The following WDR33 variants were observed in gnomAD, a reference collection of about 807,000 sequenced individuals.
WDR33 encodes pre-mRNA 3' end processing protein WDR33.
Under a neutral mutation model 164.9 loss-of-function variants are expected in WDR33, and 47 were observed. The ratio of observed to expected loss-of-function variants is 0.29; its 90% CI spans 0.23 to 0.36. The LOEUF (loss-of-function observed/expected upper bound fraction) is 0.36. WDR33 is among the 10% of genes least tolerant of loss of function. The pLI, the probability that WDR33 is intolerant of heterozygous loss-of-function variation, is 1.00. For missense variants in WDR33, 1,137 were observed against 1,754.1 expected (o/e 0.65, Z 6.28); for synonymous variants, 505 against 589.0 (o/e 0.86, Z 2.06).
In WDR33 at chr2:127,701,946, G is replaced by A; in HGVS notation, c.*4377C>T. The A allele has an allele frequency of 7.1e-7, 1 of 1,414,450 alleles. No homozygotes were observed. Among genetic ancestry groups the A allele is most frequent in the Non-Finnish European group, 9.2e-7 (1 of 1,091,140 alleles). 87.6% of individuals were successfully genotyped at this position (1,414,450 alleles called of 1,614,324 possible). A position where few individuals can be genotyped will look rare whatever the true frequency, so the allele number is the denominator to read the frequency against. The stretch of plus-strand genomic sequence containing the variant: ...GTGCGGACGCCTGCTGCGCTGCGAA[G>A]AAGCGCCGTCCCGGCCCGCGCTGCT... On this transcript the variant is annotated 3_prime_UTR_variant, in exon 22 of 22. Coordinates refer to ENST00000322313, the MANE Select transcript of WDR33 (RefSeq NM_018383.5).
chr2:127,723,919 A>G lies in WDR33; in HGVS notation c.1196+414T>C, dbSNP rs1558924977. On this transcript the variant is annotated intron_variant, in intron 11 of 21. Transcript: ENST00000322313. The surrounding 1 kb of genome is among the most constrained non-coding windows in gnomAD (Gnocchi z 5.9). Reference sequence around the variant, plus strand: ...TGGTGAAACCCCATCTCTACAAAAAATGCAAAAATTAGCCAGGTGTGGTGG... The same window carrying G: ...TGGTGAAACCCCATCTCTACAAAAAGTGCAAAAATTAGCCAGGTGTGGTGG... Among the ~76,000 whole-genome samples the G allele has an allele frequency of 6.6e-6, 1 of 152,122 alleles. No individual in the cohort carries two copies. The highest frequency in any genetic ancestry group is 1.5e-5 in the Non-Finnish European group (1 of 68,016).
intron 1 of WDR33, among the ~76,000 whole-genome samples, chr2:127,785,307 C>T (rs1206494109): frequency 6.6e-6 from 1 of 152,170 alleles, no homozygotes; most frequent in Non-Finnish European, 1.5e-5. Flanking sequence ...AATGAACCAA[C>T]ACTGATGCAT....
chr2:127,778,421 A>C (rs1434985069), intron 1 of WDR33, among the ~76,000 whole-genome samples: 1 of 150,478 alleles, frequency 6.6e-6, no homozygotes, highest in Non-Finnish European at 1.5e-5. Context: ...TGGGCAACAG[A>C]GCAAGACTCC....
In WDR33 at chr2:127,701,392, C is replaced by T; in HGVS notation, c.*4931G>A. 1 of 862,114 alleles carries T rather than the reference C, an allele frequency of 1.2e-6. No homozygotes were observed. Among genetic ancestry groups the T allele is most frequent in the Non-Finnish European group, 1.5e-6 (1 of 654,002 alleles). 53.4% of individuals were successfully genotyped at this position (862,114 alleles called of 1,614,324 possible). On this transcript the variant is annotated 3_prime_UTR_variant, in exon 22 of 22. Coordinates refer to ENST00000322313, the MANE Select transcript of WDR33 (RefSeq NM_018383.5). The stretch of plus-strand genomic sequence containing the variant: ...ACCACAAAAGTCCGCAGAGCAGGCA[C>T]CGCGGCACTTCCGCGAGCGCCGCAG...
chr2:127,790,759 T>C (rs1346898192), intron 1 of WDR33, among the ~76,000 whole-genome samples: 1 of 151,918 alleles, frequency 6.6e-6, no homozygotes. Context: ...AATAAACACA[T>C]GACCCACACC....
rs1276030870 is a variant in WDR33 at position 127,709,641 on chromosome 2, T to G, written c.3472+52A>C. On this transcript the variant is annotated intron_variant, in intron 19 of 21. Coordinates refer to ENST00000322313, the MANE Select transcript of WDR33 (RefSeq NM_018383.5). This position sits in a 1 kb window ranked among gnomAD's most constrained non-coding sequence, Gnocchi z 5.0. ...CTGTTCCTGGTGTATTCACAACCAG[T>G]GTATTCTGCACCCTATCCTTCCAGA... 1.2e-6 allele frequency: 2 copies of G among 1,613,468 alleles called. No individual in the cohort carries two copies. The highest frequency in any genetic ancestry group is 1.7e-6 in the Non-Finnish European group (2 of 1,179,536).
rs1308122919 is a variant in WDR33, at chr2:127,764,719, G to A, written c.626+109C>T. 2.5e-6 allele frequency: 4 copies of A among 1,613,800 alleles called. No individual in the cohort carries two copies. The highest frequency in any genetic ancestry group is 3.4e-6 in the Non-Finnish European group (4 of 1,179,896). On this transcript the variant is annotated intron_variant, in intron 6 of 21. Transcript: ENST00000322313. The surrounding 1 kb of genome is among the most constrained non-coding windows in gnomAD (Gnocchi z 6.2). Reference sequence around the variant, plus strand: ...ATATTGTGTTTATAGGGTGCAGAAAGTTTCCCAGAAACTGACAGAGCCCAT... The same window carrying A: ...ATATTGTGTTTATAGGGTGCAGAAAATTTCCCAGAAACTGACAGAGCCCAT...
At chr2:127,737,990 TCCA>T (rs758185617) in intron 7 of WDR33, 6 of 1,611,288 alleles carry the variant, frequency 3.7e-6, no homozygotes, top group Non-Finnish European at 5.1e-6. Flanking sequence ...CTAAACTTTG[TCCA>T]CCTACTGTTA....
At position 127,760,462 on chromosome 2, in the gene WDR33, T is replaced by G. The variant is rs941658336; in HGVS notation, c.724+2600A>C. 2.6e-5 allele frequency among the ~76,000 whole-genome samples: 4 copies of G among 152,338 alleles called. No individual in the cohort carries two copies. The South Asian group carries it at 8.3e-4, about 32-fold the overall frequency. ...ACTTTGTGATCCAGTTTTCTCTGAG[T>G]AGAGCTAAGTAAGTTCACTTCACAT... On this transcript the variant is annotated intron_variant, in intron 7 of 21. Coordinates refer to ENST00000322313, the MANE Select transcript of WDR33 (RefSeq NM_018383.5).
intron 1 of WDR33, among the ~76,000 whole-genome samples, chr2:127,776,469 AG>A (rs1688187578): frequency 6.6e-6 from 1 of 152,204 alleles, no homozygotes; most frequent in Non-Finnish European, 1.5e-5. Context: ...CTGTAATCCT[AG>A]CACTTTGGGA....
At position 127,719,880 on chromosome 2, in the gene WDR33, A is replaced by G. The variant is rs1437330498; in HGVS notation, c.2145T>C (p.Gly715=). ...CAGGCGGGCCTTGGGGGCCTATGTG[A>G]CCCTGTGGGCCAGGTGGACCCTGAG... ...MGPQGPPGPQ[G]HIGPQGPPGP... Residue 715 remains glycine (G), a synonymous_variant, in exon 16 of 22, where the codon GGT becomes GGC. Transcript: ENST00000322313. This position sits in a 1 kb window ranked among gnomAD's most constrained non-coding sequence, Gnocchi z 6.5. 1 of 1,613,662 alleles carries G rather than the reference A, an allele frequency of 6.2e-7. No homozygotes were observed. Among genetic ancestry groups the G allele is most frequent in the African/African-American group, 1.3e-5 (1 of 74,974 alleles).
intron 7 of WDR33, among the ~76,000 whole-genome samples, chr2:127,728,618 T>C (rs1686625942): frequency 6.6e-6 from 1 of 152,198 alleles, no homozygotes; most frequent in African/African-American, 2.4e-5. Flanking sequence ...ATAAAAATAC[T>C]TCAGTCCCCC....
Position 127,738,031 on chromosome 2 carries a change from A to C in WDR33, c.725-11254T>G. The C allele has an allele frequency of 6.2e-7, 1 of 1,613,142 alleles. No homozygotes were observed. The highest frequency in any genetic ancestry group is 8.5e-7 in the Non-Finnish European group (1 of 1,179,570). On this transcript the variant is annotated intron_variant, in intron 7 of 21. Transcript: ENST00000322313. This position sits in a 1 kb window ranked among gnomAD's most constrained non-coding sequence, Gnocchi z 4.4. ...CACCTCTTGACAGAAAGGAAGTAAC[A>C]ACGGCAGTGATGAAAACATGTATCT...
chr2:127,805,116 C>T (rs1573490576), intron 1 of WDR33, among the ~76,000 whole-genome samples: 2 of 104,060 alleles, frequency 1.9e-5, no homozygotes, highest in East Asian at 3.2e-4. Context: ...GTTCTCTTGT[C>T]GCCTAGGCTG....
chr2:127,740,346 T>TACAC lies in WDR33; in HGVS notation c.725-13573_725-13570dup, dbSNP rs71307275. Reference sequence around the variant, plus strand: ...ACTTTGGGAGGGATTTGTATTTCTCTACACACACACACACACACACACACA... The same window carrying TACAC: ...ACTTTGGGAGGGATTTGTATTTCTCTACACACACACACACACACACACACACACA... On this transcript the variant is annotated intron_variant, in intron 7 of 21. Transcript: ENST00000322313. Among the ~76,000 whole-genome samples, 404 of 149,794 alleles carry TACAC rather than the reference T, an allele frequency of 2.7e-3. 2 individuals carry two copies. Among genetic ancestry groups the TACAC allele is most frequent in the South Asian group, 7.6e-3 (36 of 4,726 alleles).
intron 7 of WDR33, among the ~76,000 whole-genome samples, chr2:127,734,638 A>G (rs1686794608): frequency 6.6e-6 from 1 of 152,190 alleles, no homozygotes; most frequent in Non-Finnish European, 1.5e-5. Context: ...AGCTCCTGTT[A>G]TTGGTGCTCA....
chr2:127,758,549 C>T (rs956315213), intron 7 of WDR33, among the ~76,000 whole-genome samples: 1 of 152,112 alleles, frequency 6.6e-6, no homozygotes, highest in Non-Finnish European at 1.5e-5. Flanking sequence ...AATGTGTCAG[C>T]TGTTATTATT....
intron 1 of WDR33, among the ~76,000 whole-genome samples, chr2:127,783,546 T>C (rs1688446944): frequency 6.6e-6 from 1 of 150,962 alleles, no homozygotes; most frequent in African/African-American, 2.4e-5. Flanking sequence ...AGTCTACTTC[T>C]GAAACAGCTT....
intron 4 of WDR33, among the ~76,000 whole-genome samples, chr2:127,766,363 T>C (rs927785272): frequency 2.0e-5 from 3 of 152,202 alleles, no homozygotes; most frequent in Admixed American, 6.5e-5. Flanking sequence ...TATATGACAA[T>C]TTGGCTTTTC....
Sources: allele counts gnomAD v4.1 joint callset (sites outside exome capture counted in the v4.1 genomes callset), GRCh38; gene constraint gnomAD v4.1.1; non-coding constraint Gnocchi (gnomAD v3.1); transcripts MANE v1.5; gene names NCBI Gene and HGNC (gene_info 2026-07-23, HGNC 2026-07-21).